Variants in AP3B1 observed in about 807,000 individuals in gnomAD.
AP3B1 encodes AP-3 complex subunit beta-1.
Under a neutral mutation model 132.5 loss-of-function variants are expected in AP3B1, and 61 were observed. The ratio of observed to expected loss-of-function variants is 0.46; its 90% confidence interval spans 0.37 to 0.57. The LOEUF (loss-of-function observed/expected upper bound fraction) is 0.57. AP3B1 is among the 20% of genes least tolerant of loss of function. The pLI, the probability that AP3B1 is intolerant of heterozygous loss-of-function variation, is 0.00. For synonymous variants in AP3B1, 388 were observed against 438.3 expected (o/e 0.89, Z 1.43); for missense variants, 1,120 against 1,289.4 (o/e 0.87, Z 2.01).
In AP3B1 at chr5:78,177,418, G is replaced by A; in HGVS notation, c.961C>T (p.Gln321Ter). ...TTTGGTGATATGTGCCAATACAGCT[G>A]AGCAACTGCCATAACCACCTACAAG... ...RNAAVVMAVA[Q>*]LYWHISPKSE... The change falls in exon 9 of 27, where the codon CAG becomes TAG. Residue 321 changes from glutamine to a stop codon, truncating the protein, a stop_gained. Transcript: ENST00000255194. LOFTEE classifies it high-confidence loss of function. 6.2e-7 allele frequency: 1 copy of A among 1,613,686 alleles called. No individual in the cohort carries two copies. Among genetic ancestry groups the A allele is most frequent in the Non-Finnish European group, 8.5e-7 (1 of 1,179,660 alleles).
chr5:78,065,655 C>T (rs1415579853), intron 22 of AP3B1, among the ~76,000 whole-genome samples: 1 of 152,116 alleles, frequency 6.6e-6, no homozygotes, highest in Non-Finnish European at 1.5e-5. Flanking sequence ...AGGGACAGAA[C>T]TCTGATCTCC....
At chr5:78,150,557 T>C (rs971518465) in intron 14 of AP3B1, among the ~76,000 whole-genome samples, 6 of 140,790 alleles carry the variant, frequency 4.3e-5, no homozygotes, top group Non-Finnish European at 7.9e-5. Context: ...AGCATGAAGA[T>C]AGAATGACAA....
chr5:78,243,928 A>G (rs1244792644), intron 2 of AP3B1, among the ~76,000 whole-genome samples: 1 of 152,242 alleles, frequency 6.6e-6, no homozygotes, highest in African/African-American at 2.4e-5. Context: ...ATATTTAGCA[A>G]TGACTCATAT....
At chr5:78,173,611 TC>T (rs1744019333) in intron 11 of AP3B1, among the ~76,000 whole-genome samples, 1 of 151,774 alleles carries the variant, frequency 6.6e-6, no homozygotes, top group Non-Finnish European at 1.5e-5. Flanking sequence ...TACATCTTCC[TC>T]CATCCCTTTA....
chr5:78,027,135 C>G (rs1429950867), intron 24 of AP3B1, among the ~76,000 whole-genome samples: 1 of 151,894 alleles, frequency 6.6e-6, no homozygotes, highest in East Asian at 1.9e-4. Flanking sequence ...TCCTTTATAT[C>G]TTTCTGAGTA....
intron 2 of AP3B1, among the ~76,000 whole-genome samples, chr5:78,241,337 G>A (rs760308184): frequency 1.4e-4 from 22 of 151,960 alleles, no homozygotes; most frequent in South Asian, 2.1e-4. Context: ...GGCTACAGGC[G>A]TATGTCATCA....
chr5:78,258,408 C>T (rs1407891628), intron 2 of AP3B1, among the ~76,000 whole-genome samples: 1 of 152,128 alleles, frequency 6.6e-6, no homozygotes, highest in African/African-American at 2.4e-5. Flanking sequence ...AGAAGACATG[C>T]AATTGGCAAA....
Position 78,002,852 on chromosome 5 carries a change from GC to G in AP3B1, c.*49del. On this transcript the variant is annotated 3_prime_UTR_variant, in exon 27 of 27. Transcript: ENST00000255194. The stretch of plus-strand genomic sequence containing the variant: ...TAAATGAAAGGCAGCAGTAGTGGAT[GC>G]CAGGCACTTTTGTTGTGTGCCAGAT... 4.4e-6 allele frequency: 7 copies of G among 1,606,032 alleles called. No homozygotes were observed. Among genetic ancestry groups the G allele is most frequent in the Non-Finnish European group, 6.0e-6 (7 of 1,172,568 alleles).
chr5:78,239,282 G>T (rs960670669), intron 3 of AP3B1, among the ~76,000 whole-genome samples: 1 of 151,892 alleles, frequency 6.6e-6, no homozygotes, highest in Non-Finnish European at 1.5e-5. Context: ...ACCAGCCTGG[G>T]CAACATGGTG....
chr5:78,156,644 C>T (rs1438341814), intron 13 of AP3B1, among the ~76,000 whole-genome samples: 3 of 152,118 alleles, frequency 2.0e-5, no homozygotes, highest in African/African-American at 4.8e-5. Context: ...AAGCAAAAGA[C>T]GTTGGATTAT....
chr5:78,250,673 T>C (rs1205206277), intron 2 of AP3B1, among the ~76,000 whole-genome samples: 1 of 152,092 alleles, frequency 6.6e-6, no homozygotes, highest in Non-Finnish European at 1.5e-5. Context: ...ACTGGAGAAG[T>C]ATGAATAAAT....
Position 78,110,252 on chromosome 5 carries a change from T to C in AP3B1, c.2352A>G (p.Ser784=). 1.2e-6 allele frequency: 2 copies of C among 1,608,708 alleles called. No individual in the cohort carries two copies. The highest frequency in any genetic ancestry group is 1.7e-6 in the Non-Finnish European group (2 of 1,176,702). The part of the protein sequence containing the change: ...SIEDSSSDSE[S]ESEPESESES... ...CAGATTCACTTTCAGGTTCTGACTC[T>C]GATTCAGAATCGGAAGAACTGTCTT... is the stretch of plus-strand genomic sequence containing the variant. The change falls in exon 20 of 27, where the codon TCA becomes TCG. Residue 784 remains serine (S), a synonymous_variant. Coordinates refer to ENST00000255194, the MANE Select transcript of AP3B1 (RefSeq NM_003664.5).
intron 26 of AP3B1, among the ~76,000 whole-genome samples, chr5:78,009,491 C>T (rs1746529453): frequency 1.3e-5 from 2 of 151,620 alleles, no homozygotes; most frequent in South Asian, 4.2e-4. Flanking sequence ...ACAAGTTGTT[C>T]TTTACCTGTA....
At chr5:78,020,339 A>G (rs1747038216) in intron 25 of AP3B1, among the ~76,000 whole-genome samples, 1 of 152,158 alleles carries the variant, frequency 6.6e-6, no homozygotes, top group Non-Finnish European at 1.5e-5. Context: ...ACAGAAACAT[A>G]ACAATTATAG....
At chr5:78,030,591 G>A (rs1747532372) in intron 24 of AP3B1, among the ~76,000 whole-genome samples, 2 of 152,114 alleles carry the variant, frequency 1.3e-5, no homozygotes, top group South Asian at 4.1e-4. Context: ...TCACCAGGAC[G>A]TGATCTTTTT....
At chr5:78,079,365 T>A (rs1749894075) in intron 22 of AP3B1, among the ~76,000 whole-genome samples, 1 of 152,150 alleles carries the variant, frequency 6.6e-6, no homozygotes. Context: ...GAACTCTAAT[T>A]GAGAATTTAA....
chr5:78,088,885 C>T (rs990324605), intron 22 of AP3B1: 4 of 155,450 alleles, frequency 2.6e-5, no homozygotes, highest in African/African-American at 9.7e-5. Context: ...CCTCACTTCA[C>T]ATCACATTCT....
At chr5:78,140,513 T>A (rs1199146898) in intron 15 of AP3B1, among the ~76,000 whole-genome samples, 9 of 152,176 alleles carry the variant, frequency 5.9e-5, no homozygotes, top group African/African-American at 2.2e-4. Flanking sequence ...GATAGCACCT[T>A]CTCACTGTGT....
At chr5:78,139,851 G>A (rs1314444786) in intron 15 of AP3B1, among the ~76,000 whole-genome samples, 5 of 152,120 alleles carry the variant, frequency 3.3e-5, no homozygotes, top group Admixed American at 1.3e-4. Flanking sequence ...CTGGACTGTA[G>A]TACGGGGGCG....
Sources: gnomAD v4.1 joint callset for allele counts (sites outside exome capture counted in the v4.1 genomes callset) on GRCh38, gnomAD v4.1.1 for gene constraint, MANE v1.5 for transcripts, NCBI Gene and HGNC (gene_info 2026-07-23, HGNC 2026-07-21) for gene names.